Variants in GZMB observed in about 807,000 individuals in gnomAD.
The protein encoded by GZMB is granzyme B.
Under a neutral mutation model 24.2 loss-of-function variants are expected in GZMB, and 27 were observed. That is an observed-to-expected ratio of 1.12 (90% CI 0.82 to 1.54). GZMB has a LOEUF of 1.54. GZMB is among the 40% of genes most tolerant of loss of function. GZMB has a pLI of 0.00. For missense variants in GZMB, 336 were observed against 310.1 expected (o/e 1.08, Z -0.63); for synonymous variants, 121 against 115.1 (o/e 1.05, Z -0.33).
In GZMB at chr14:24,632,954, C is replaced by T. The variant is rs8192917; in HGVS notation, c.164G>A (p.Arg55Gln). 1,226,893 of 1,613,204 alleles carry T rather than the reference C, an allele frequency of 0.76. 468,892 individuals are homozygous for T. The highest frequency in any genetic ancestry group is 0.83 in the Admixed American group (49,668 of 59,936). ...SLKRCGGFLI[R>Q]DDFVLTAAHC... ...AGCAGCTGTCAGCACGAAGTCGTCT[C>T]GTATCAGGAAGCCACCGCACCTCTT... The change falls in exon 2 of 5, where the codon CGA becomes CAA. Residue 55 changes from arginine (R) to glutamine (Q), a missense_variant. By Grantham distance (43) the Arg-to-Gln change is conservative. Coordinates refer to ENST00000216341, the MANE Select transcript of GZMB (RefSeq NM_004131.6).
chr14:24,631,253 C>A, intron 4 of GZMB, 39 bp from the exon 5 acceptor site: 1 of 1,586,162 alleles, frequency 6.3e-7, no homozygotes, highest in African/African-American at 1.3e-5. Context: ...TGATGCTCCT[C>A]CGGGTCCTGC....
chr14:24,633,822 C>T (rs2067019026), intron 1 of GZMB: 10 of 495,312 alleles, frequency 2.0e-5, no homozygotes. Flanking sequence ...TTTCTCTTTT[C>T]TAGTTTCCCA....
chr14:24,631,784 T>G, intron 4 of GZMB, 74 bp downstream of exon 4: 2 of 1,239,410 alleles, frequency 1.6e-6, no homozygotes, highest in Non-Finnish European at 2.4e-6. Flanking sequence ...CCCCACTACT[T>G]GAGTCTCCAG....
At chr14:24,631,551 T>G (rs1188282056) in intron 4 of GZMB, 1 of 549,806 alleles carries the variant, frequency 1.8e-6, no homozygotes, top group Non-Finnish European at 3.2e-6. Flanking sequence ...TACCAGCCTC[T>G]GAAGACACAC....
intron 3 of GZMB, 63 bp from the exon 4 acceptor site, chr14:24,632,181 A>G: frequency 1.3e-6 from 2 of 1,586,522 alleles, no homozygotes; most frequent in Non-Finnish European, 1.7e-6. Context: ...CGACACAGTG[A>G]TGGGGCTGCA....
Position 24,632,474 on chromosome 14 carries a change from G to C in GZMB, c.204-15C>G, listed in dbSNP as rs766076703. ...CATTTATGGAGCTGCACAGAGAGCA[G>C]AGTGAGGATGGGGGTGGAGTCACAG... On this transcript the variant is annotated splice_polypyrimidine_tract_variant and intron_variant, in intron 2 of 4. Coordinates refer to ENST00000216341, the MANE Select transcript of GZMB (RefSeq NM_004131.6). 8 of 1,613,640 alleles carry C rather than the reference G, an allele frequency of 5.0e-6. No homozygotes were observed. In the East Asian group the frequency reaches 1.8e-4, roughly 36 times the overall value.
At chr14:24,631,580 C>T in intron 4 of GZMB, 2 of 564,542 alleles carry the variant, frequency 3.5e-6, no homozygotes, top group South Asian at 4.5e-5. Flanking sequence ...AATTACTGCA[C>T]CCCCAGTGGG....
Position 24,631,986 on chromosome 14 carries a change from G to C in GZMB, c.472C>G (p.His158Asp). ...GQTAPLGKHS[H>D]TLQEVKMTVQ... Reference sequence around the variant, plus strand: ...GTCATCTTCACCTCTTGTAGTGTGTGTGAGTGTTTTCCCAGGGGGGCCGTC... The same window carrying C: ...GTCATCTTCACCTCTTGTAGTGTGTCTGAGTGTTTTCCCAGGGGGGCCGTC... The change falls in exon 4 of 5, where the codon CAC becomes GAC. Residue 158 changes from histidine to aspartate, a missense_variant. His to Asp is a moderately conservative substitution (Grantham distance 81). Transcript: ENST00000216341. 4 of 1,614,212 alleles carry C rather than the reference G, an allele frequency of 2.5e-6. No individual in the cohort carries two copies. Among genetic ancestry groups the C allele is most frequent in the Non-Finnish European group, 3.4e-6 (4 of 1,180,028 alleles).
At chr14:24,632,630 G>T in intron 2 of GZMB, 171 bp from the exon 3 acceptor site, 1 of 1,082,536 alleles carries the variant, frequency 9.2e-7, no homozygotes, top group Non-Finnish European at 1.4e-6. Flanking sequence ...TCAGGGTTCG[G>T]TTCCCCCTAG....
rs754450066 is a variant in GZMB, at chr14:24,632,001, G to C, written c.457C>G (p.Leu153Val). 1.9e-6 allele frequency: 3 copies of C among 1,614,066 alleles called. No individual in the cohort carries two copies. The highest frequency in any genetic ancestry group is 3.3e-5 in the Admixed American group (2 of 60,026). ...TGTAGTGTGTGTGAGTGTTTTCCCA[G>C]GGGGGCCGTCTGCCCCCAGCCGGCC... The part of the protein sequence containing the change: ...SVAGWGQTAP[L>V]GKHSHTLQEV... The change falls in exon 4 of 5, where the codon CTG (leucine) becomes GTG (valine). Residue 153 changes from leucine to valine, a missense_variant. Coordinates refer to ENST00000216341, the MANE Select transcript of GZMB (RefSeq NM_004131.6).
At chr14:24,632,783 T>C (rs1343112126) in intron 2 of GZMB, 132 bp downstream of exon 2, 2 of 965,394 alleles carry the variant, frequency 2.1e-6, no homozygotes, top group South Asian at 1.4e-5. Flanking sequence ...CAAACTTAAC[T>C]GCCCTTTTCT....
At chr14:24,631,704 T>A in intron 4 of GZMB, 154 bp downstream of exon 4, 1 of 691,832 alleles carries the variant, frequency 1.4e-6, no homozygotes, top group Non-Finnish European at 2.5e-6. Context: ...CCCTAATTTC[T>A]CCCCAGCTCA....
At position 24,632,579 on chromosome 14, in the gene GZMB, G is replaced by A. The variant is rs758043729; in HGVS notation, c.204-120C>T. On this transcript the variant is annotated intron_variant, in intron 2 of 4. Coordinates refer to ENST00000216341, the MANE Select transcript of GZMB (RefSeq NM_004131.6). ...CTGAGGGGAAATTAAGGGGACAGTC[G>A]GTCCCCAGGAATTGGAATTCTGGTA... is the stretch of plus-strand genomic sequence containing the variant. The A allele has an allele frequency of 6.0e-5, 89 of 1,477,958 alleles. 1 individual carries two copies. The highest frequency in any genetic ancestry group is 7.4e-5 in the Non-Finnish European group (78 of 1,061,214). 91.6% of individuals were successfully genotyped at this position (1,477,958 alleles called of 1,614,324 possible).
Position 24,631,929 on chromosome 14 carries a change from A to C in GZMB, c.529T>G (p.Leu177Val), listed in dbSNP as rs555803368. Residue 177 changes from leucine to valine, a missense_variant, in exon 4 of 5, where the codon TTA becomes GTA. Leu to Val is a conservative substitution (Grantham distance 32, BLOSUM62 1). Coordinates refer to ENST00000216341, the MANE Select transcript of GZMB (RefSeq NM_004131.6). ...VQEDRKCESD[L>V]RHYYDSTIEL... is the part of the protein sequence containing the mutation. ...ATGGTACTGTCGTAATAATGGCGTA[A>C]GTCAGATTCGCACTTTCGATCTTCC... 2 of 1,614,074 alleles carry C rather than the reference A, an allele frequency of 1.2e-6. No homozygotes were observed. Among genetic ancestry groups the C allele is most frequent in the Admixed American group, 3.3e-5 (2 of 60,028 alleles).
intron 4 of GZMB, 179 bp downstream of exon 4, chr14:24,631,679 G>C: frequency 3.2e-6 from 2 of 622,936 alleles, no homozygotes; most frequent in Middle Eastern, 3.9e-4. Context: ...AAGCCTCCTG[G>C]TAAGTTTGCA....
rs745539169 is a variant in GZMB at position 24,632,935 on chromosome 14, T to C, written c.183A>G (p.Thr61=). 2.5e-6 allele frequency: 4 copies of C among 1,613,062 alleles called. No individual in the cohort carries two copies. The East Asian group carries it at 8.9e-5, about 36-fold the overall frequency. ...CTCACCTTCCCCAACAGTGAGCAGC[T>C]GTCAGCACGAAGTCGTCTCGTATCA... The part of the protein sequence containing the change: ...GFLIRDDFVL[T]AAHCWGSSIN... The change falls in exon 2 of 5, where the codon ACA becomes ACG. Residue 61 remains threonine (T), a synonymous_variant. Coordinates refer to ENST00000216341, the MANE Select transcript of GZMB (RefSeq NM_004131.6).
At chr14:24,633,656 G>A (rs1181078883) in intron 1 of GZMB, among the ~76,000 whole-genome samples, 1 of 152,168 alleles carries the variant, frequency 6.6e-6, no homozygotes, top group Admixed American at 6.5e-5. Context: ...GTTGGAGAAT[G>A]GGACTGAGCA....
At chr14:24,632,887 A>T in intron 2 of GZMB, 28 bp downstream of exon 2, 1 of 1,602,066 alleles carries the variant, frequency 6.2e-7, no homozygotes, top group Non-Finnish European at 8.5e-7. Context: ...TGTTTCCAGG[A>T]GGGTGTGGGC....
Position 24,632,455 on chromosome 14 carries a change from T to C in GZMB, c.208A>G (p.Ile70Val). ...LTAAHCWGSSINVTLGAHNIK... is the reference protein window; with the variant it reads ...LTAAHCWGSSVNVTLGAHNIK... ...TTGTGGGCCCCCAAGGTGACATTTA[T>C]GGAGCTGCACAGAGAGCAGAGTGAG... The change falls in exon 3 of 5, where the codon ATA (isoleucine) becomes GTA (valine). Residue 70 changes from isoleucine (I) to valine (V), a missense_variant. Physicochemically the swap from Ile to Val is conservative, Grantham distance 29. Transcript: ENST00000216341. 6.2e-7 allele frequency: 1 copy of C among 1,613,300 alleles called. No individual in the cohort carries two copies. Among genetic ancestry groups the C allele is most frequent in the Non-Finnish European group, 8.5e-7 (1 of 1,179,660 alleles).
Sources: allele counts gnomAD v4.1 joint callset (sites outside exome capture counted in the v4.1 genomes callset), GRCh38; gene constraint gnomAD v4.1.1; transcripts MANE v1.5; gene names NCBI Gene and HGNC (gene_info 2026-07-23, HGNC 2026-07-21).